LINGO2: variants seen among roughly 807,000 people sequenced by gnomAD.
LINGO2 encodes the protein leucine-rich repeat and immunoglobulin-like domain-containing nogo receptor-interacting protein 2.
In LINGO2, 14 loss-of-function variants were observed where a neutral mutation model predicts 30.6. That is an observed-to-expected ratio of 0.46 (90% CI 0.30 to 0.72). The LOEUF is 0.72. LINGO2 is among the 30% of genes least tolerant of loss of function. LINGO2 has a pLI of 0.07. For missense variants in LINGO2, 729 were observed against 751.7 expected, an observed-to-expected ratio of 0.97 and a Z score of 0.35; for synonymous variants, 317 against 288.5, an observed-to-expected ratio of 1.10 and a Z score of -1.00.
intron 2 of LINGO2, among the ~76,000 whole-genome samples, chr9:28,384,713 A>G (rs72711446): frequency 0.088 from 13,415 of 152,106 alleles, 803 homozygotes; most frequent in Admixed American, 0.15. Context: ...AATTACTTTA[A>G]AAATATGTTT....
At chr9:28,512,960 T>C (rs1225325680) in intron 1 of LINGO2, among the ~76,000 whole-genome samples, 1 of 151,862 alleles carries the variant, frequency 6.6e-6, no homozygotes, top group African/African-American at 2.4e-5. Flanking sequence ...TGGGGGTGGA[T>C]CTGCCTTCCA....
the LINGO2 span, among the ~76,000 whole-genome samples, chr9:28,945,329 C>T: frequency 2.0e-5 from 3 of 152,050 alleles, no homozygotes; most frequent in African/African-American, 7.2e-5. Context: ...ATCAGAAACC[C>T]TATTATTAAC....
chr9:29,077,896 T>G, the LINGO2 span, among the ~76,000 whole-genome samples: 1 of 151,854 alleles, frequency 6.6e-6, no homozygotes, highest in Non-Finnish European at 1.5e-5. Flanking sequence ...AAAAGCAGCA[T>G]CTATCAGATC....
the LINGO2 span, among the ~76,000 whole-genome samples, chr9:29,183,754 A>G: frequency 0.65 from 98,717 of 151,082 alleles, 32,543 homozygotes; most frequent in East Asian, 0.82. Flanking sequence ...AGTCCCTCAT[A>G]ACAACAGAGA....
the LINGO2 span, chr9:27,939,060 G>A: frequency 1.2e-4 from 19 of 152,056 alleles, no homozygotes; most frequent in African/African-American, 3.6e-4. Context: ...AATATAGAAT[G>A]TATTTACTTA....
At chr9:28,739,382 CA>C in the LINGO2 span, among the ~76,000 whole-genome samples, 96 of 151,720 alleles carry the variant, frequency 6.3e-4, 1 homozygote, top group Admixed American at 6.1e-3. Context: ...CTAATGGAAA[CA>C]CAAGAACAAC....
At chr9:28,512,853 A>G (rs1820466971) in intron 1 of LINGO2, among the ~76,000 whole-genome samples, 1 of 151,506 alleles carries the variant, frequency 6.6e-6, no homozygotes, top group South Asian at 2.1e-4. Flanking sequence ...AGAAAGATGT[A>G]GGCTGAGAGG....
intron 4 of LINGO2, among the ~76,000 whole-genome samples, chr9:28,256,378 A>C (rs1036384276): frequency 3.3e-5 from 5 of 151,954 alleles, no homozygotes; most frequent in Non-Finnish European, 7.4e-5. Flanking sequence ...GAGCACATGA[A>C]GGACAAATAT....
the LINGO2 span, among the ~76,000 whole-genome samples, chr9:28,764,260 A>G: frequency 6.6e-6 from 1 of 151,878 alleles, no homozygotes; most frequent in Admixed American, 6.6e-5. Context: ...AATCCTCTCT[A>G]AAATATCAGG....
chr9:28,427,300 T>C (rs1433210030), intron 2 of LINGO2, among the ~76,000 whole-genome samples: 1 of 152,096 alleles, frequency 6.6e-6, no homozygotes, highest in Non-Finnish European at 1.5e-5. Flanking sequence ...AGGGGTTTCT[T>C]GCAAGTGGTC....
At chr9:28,486,110 G>C (rs976142152) in intron 1 of LINGO2, among the ~76,000 whole-genome samples, 3 of 152,106 alleles carry the variant, frequency 2.0e-5, no homozygotes, top group Non-Finnish European at 4.4e-5. Flanking sequence ...CATCAATTTA[G>C]TATGGATGAG....
the LINGO2 span, among the ~76,000 whole-genome samples, chr9:28,826,096 T>C: frequency 4.5e-4 from 69 of 152,248 alleles, no homozygotes; most frequent in Non-Finnish European, 9.0e-4. Flanking sequence ...AAAGTATTAA[T>C]GGTAAAATGG....
intron 1 of LINGO2, among the ~76,000 whole-genome samples, chr9:28,608,325 G>A (rs1013814144): frequency 6.6e-6 from 1 of 151,184 alleles, no homozygotes; most frequent in Non-Finnish European, 1.5e-5. Context: ...TTCTTTTCTG[G>A]AATGGACATT....
At chr9:28,372,200 T>C (rs1430139252) in intron 3 of LINGO2, among the ~76,000 whole-genome samples, 1 of 152,228 alleles carries the variant, frequency 6.6e-6, no homozygotes, top group Non-Finnish European at 1.5e-5. Context: ...TTAATTGCTA[T>C]ATTGAATTCA....
chr9:28,041,083 G>A (rs191560321), intron 4 of LINGO2, among the ~76,000 whole-genome samples: 1 of 152,094 alleles, frequency 6.6e-6, no homozygotes, highest in Non-Finnish European at 1.5e-5. Flanking sequence ...TAAAACTGAA[G>A]GTCTAAAACT....
intron 3 of LINGO2, among the ~76,000 whole-genome samples, chr9:28,358,351 C>A (rs1820312309): frequency 6.6e-6 from 1 of 152,144 alleles, no homozygotes; most frequent in Non-Finnish European, 1.5e-5. Context: ...TTCACCTCAG[C>A]CACTGAGCAG....
the LINGO2 span, among the ~76,000 whole-genome samples, chr9:28,714,064 C>T: frequency 6.6e-6 from 1 of 151,294 alleles, no homozygotes; most frequent in Non-Finnish European, 1.5e-5. Flanking sequence ...GAGGCTGAGG[C>T]AGGAGAATCG....
At chr9:28,683,042 G>C in the LINGO2 span, among the ~76,000 whole-genome samples, 1 of 151,964 alleles carries the variant, frequency 6.6e-6, no homozygotes, top group Admixed American at 6.6e-5. Context: ...CACTTTCCCT[G>C]TCCTGAGATA....
chr9:28,205,105 G>T (rs1350417928), intron 4 of LINGO2, among the ~76,000 whole-genome samples: 3 of 152,144 alleles, frequency 2.0e-5, no homozygotes, highest in African/African-American at 7.2e-5. Context: ...GAGACTAGGG[G>T]ATATGGAAAT....
Sources: allele counts gnomAD v4.1 joint callset (sites outside exome capture counted in the v4.1 genomes callset), GRCh38; gene constraint gnomAD v4.1.1; transcripts MANE v1.5; gene names NCBI Gene and HGNC (gene_info 2026-07-23, HGNC 2026-07-21).